The following SPATA22 variants were observed in gnomAD, a reference collection of about 807,000 sequenced individuals.
The protein encoded by SPATA22 is spermatogenesis-associated protein 22.
Under a neutral mutation model 47.8 loss-of-function variants are expected in SPATA22, and 29 were observed. The ratio of observed to expected loss-of-function variants is 0.61; its 90% CI spans 0.45 to 0.83. The LOEUF is 0.83. SPATA22 is among the 40% of genes least tolerant of loss of function. The probability of loss-of-function intolerance (pLI) is 0.00; values close to 1 mark genes in which losing one functional copy is unlikely to be tolerated. For synonymous variants in SPATA22, 133 were observed against 140.9 expected, an observed-to-expected ratio of 0.94 and a Z score of 0.40; for missense variants, 410 against 421.7, an observed-to-expected ratio of 0.97 and a Z score of 0.24.
intron 5 of SPATA22, among the ~76,000 whole-genome samples, chr17:3,453,031 G>A (rs1000059047): frequency 2.0e-5 from 3 of 152,156 alleles, no homozygotes; most frequent in African/African-American, 7.2e-5. Context: ...CATTTTATGA[G>A]ACTAGCATCA....
chr17:3,494,569 A>AAT (rs1159747651), intron 1 of SPATA22: 1 of 877,112 alleles, frequency 1.1e-6, no homozygotes, highest in East Asian at 2.5e-5. Context: ...TGATGCTCTC[A>AAT]TTAGACACTG....
chr17:3,459,146 G>A (rs143084555), intron 5 of SPATA22, among the ~76,000 whole-genome samples: 1 of 152,242 alleles, frequency 6.6e-6, no homozygotes, highest in African/African-American at 2.4e-5. Context: ...GGTGATGTCA[G>A]TCAAAGGGTA....
chr17:3,446,779 G>A (rs1233899492), intron 6 of SPATA22, among the ~76,000 whole-genome samples, 178 bp from the exon 7 acceptor site: 1 of 152,046 alleles, frequency 6.6e-6, no homozygotes, highest in Non-Finnish European at 1.5e-5. Flanking sequence ...TATTACAGAT[G>A]GAGAAACCAG....
chr17:3,482,962 T>C (rs560841764), intron 1 of SPATA22, among the ~76,000 whole-genome samples: 14 of 119,946 alleles, frequency 1.2e-4, no homozygotes, highest in Admixed American at 7.9e-4. Flanking sequence ...CAATTCTTCA[T>C]TGCCTATTGA....
intron 4 of SPATA22, 38 bp downstream of exon 4, chr17:3,462,669 A>G: frequency 6.3e-7 from 1 of 1,582,018 alleles, no homozygotes; most frequent in South Asian, 1.1e-5. Flanking sequence ...TCAGTTAGTA[A>G]CAGACACACA....
Position 3,464,890 on chromosome 17 carries a change from G to GC in SPATA22, c.173-2124_173-2123insG, listed in dbSNP as rs542833067. On this transcript the variant is annotated intron_variant, in intron 3 of 8. Coordinates refer to ENST00000572969, the MANE Select transcript of SPATA22 (RefSeq NM_001170698.2). ...AGCCACCCCGTCTGGGAGGGGGGTG[G>GC]GGGGGGGTCAGCCCCCCACCCGGCC... 2.3e-3 allele frequency among the ~76,000 whole-genome samples: 193 copies of GC among 84,730 alleles called. 5 individuals carry two copies. The highest frequency in any genetic ancestry group is 6.0e-3 in the African/African-American group (180 of 30,012). 55.6% of individuals were successfully genotyped at this position (84,730 alleles called of 152,430 possible).
chr17:3,477,912 G>A (rs2073555455), intron 1 of SPATA22, among the ~76,000 whole-genome samples: 1 of 152,028 alleles, frequency 6.6e-6, no homozygotes, highest in African/African-American at 2.4e-5. Flanking sequence ...GCCGGGCACA[G>A]TGGCTCACAC....
At position 3,471,745 on chromosome 17, in the gene SPATA22, C is replaced by T; in HGVS notation, c.-137G>A. ...CAACTTTCGCCCTCAGTTTCCCTCG[C>T]CTCCGTCAACCGTCGTCCAGGCGGC... On this transcript the variant is annotated 5_prime_UTR_variant, in exon 1 of 9. Transcript: ENST00000572969. The T allele has an allele frequency of 5.1e-6, 5 of 985,556 alleles. No homozygotes were observed. Among genetic ancestry groups the T allele is most frequent in the Non-Finnish European group, 6.0e-6 (5 of 830,002 alleles). 61.1% of individuals were successfully genotyped at this position (985,556 alleles called of 1,614,324 possible).
chr17:3,446,660 G>T, intron 6 of SPATA22, 59 bp from the exon 7 acceptor site: 1 of 1,296,608 alleles, frequency 7.7e-7, no homozygotes, highest in Non-Finnish European at 1.0e-6. Flanking sequence ...CATCATACTC[G>T]TTTACCTTCT....
At chr17:3,513,660 A>G (rs1260929261) in exon 1 of SPATA22, 2 of 386,688 alleles carry the variant, frequency 5.2e-6, no homozygotes, top group East Asian at 4.0e-5. Flanking sequence ...GGAGGCTCCC[A>G]GGCTCCAGAC....
intron 1 of SPATA22, chr17:3,513,173 C>CT (rs534977203): frequency 5.9e-5 from 9 of 152,648 alleles, no homozygotes; most frequent in Non-Finnish European, 1.3e-4. Context: ...TCTGTCTCCA[C>CT]TTTTAAAATC....
chr17:3,506,023 G>T (rs1465885471), intron 1 of SPATA22, among the ~76,000 whole-genome samples: 1 of 152,176 alleles, frequency 6.6e-6, no homozygotes, highest in Non-Finnish European at 1.5e-5. Flanking sequence ...CTCCCAAAGT[G>T]CTGGGATTAC....
At chr17:3,468,502 C>A (rs865850728) in intron 2 of SPATA22, 1 of 152,202 alleles carries the variant, frequency 6.6e-6, no homozygotes, top group African/African-American at 2.4e-5. Flanking sequence ...GGAATCAGAC[C>A]GCCTAGGTCT....
At position 3,467,544 on chromosome 17, in the gene SPATA22, A is replaced by C. The variant is rs771086488; in HGVS notation, c.54T>G (p.Pro18=). ...TCTTTTTCTGATTGAACAACGGAAC[A>C]GGCAAACAGCCTAAATTGAATGTAC... ...NSARSTAGCL[P]VPLFNQKKRN... Residue 18 remains proline, a synonymous_variant, in exon 3 of 9, where the codon CCT becomes CCG. Transcript: ENST00000572969. The C allele has an allele frequency of 5.7e-5, 91 of 1,605,464 alleles. No homozygotes were observed. Among genetic ancestry groups the C allele is most frequent in the Non-Finnish European group, 6.5e-5 (76 of 1,176,312 alleles).
At chr17:3,480,810 G>A (rs2073613977) in intron 1 of SPATA22, among the ~76,000 whole-genome samples, 1 of 152,208 alleles carries the variant, frequency 6.6e-6, no homozygotes, top group South Asian at 2.1e-4. Context: ...TTACACCCAG[G>A]CATGAACAAG....
At chr17:3,471,825 G>A, upstream of SPATA22, 2 of 985,486 alleles carry the variant, frequency 2.0e-6, no homozygotes, top group Non-Finnish European at 2.4e-6. Flanking sequence ...GAATCAGGCT[G>A]TTCGCAGGCG....
At chr17:3,458,486 G>A (rs982879579) in intron 5 of SPATA22, among the ~76,000 whole-genome samples, 1 of 151,994 alleles carries the variant, frequency 6.6e-6, no homozygotes, top group African/African-American at 2.4e-5. Flanking sequence ...TATATCCAAA[G>A]GAAATGAAAT....
chr17:3,486,989 G>A (rs2073734036), intron 1 of SPATA22, among the ~76,000 whole-genome samples: 2 of 152,222 alleles, frequency 1.3e-5, no homozygotes, highest in East Asian at 1.9e-4. Context: ...ATGAGACCAC[G>A]GTTAATCTGA....
intron 6 of SPATA22, among the ~76,000 whole-genome samples, chr17:3,447,393 T>C (rs373049149): frequency 1.3e-5 from 2 of 152,206 alleles, no homozygotes; most frequent in African/African-American, 4.8e-5. Context: ...TTTTTCAAAA[T>C]ACAGGTAGTT....
Sources: allele counts gnomAD v4.1 joint callset (sites outside exome capture counted in the v4.1 genomes callset), GRCh38; gene constraint gnomAD v4.1.1; transcripts MANE v1.5; gene names NCBI Gene and HGNC (gene_info 2026-07-23, HGNC 2026-07-21).